GNB4: variants seen among roughly 807,000 people sequenced by gnomAD.
GNB4 encodes the protein G protein subunit beta 4.
A neutral mutation model predicts 45.2 loss-of-function variants in GNB4; 28 were observed. That is an observed-to-expected ratio of 0.62 (90% CI 0.46 to 0.85). GNB4 has a LOEUF of 0.85. Ranked by LOEUF, GNB4 falls within the 40% of genes least tolerant of loss-of-function variation. The probability of loss-of-function intolerance (pLI) is 0.00; values close to 1 mark genes in which losing one functional copy is unlikely to be tolerated. For synonymous variants in GNB4, 132 were observed against 143.7 expected, an observed-to-expected ratio of 0.92 and a Z score of 0.58; for missense variants, 321 against 425.4, an observed-to-expected ratio of 0.75 and a Z score of 2.16.
At chr3:179,417,380 T>G (rs1465433857) in intron 4 of GNB4, among the ~76,000 whole-genome samples, 1 of 151,636 alleles carries the variant, frequency 6.6e-6, no homozygotes, top group Non-Finnish European at 1.5e-5. Flanking sequence ...CTAAGTAATT[T>G]TAGCCACTAA....
At chr3:179,489,401 TGAG>T in the GNB4 span, among the ~76,000 whole-genome samples, 3 of 151,918 alleles carry the variant, frequency 2.0e-5, no homozygotes, top group Admixed American at 6.6e-5. Flanking sequence ...TTTGGGAGAC[TGAG>T]GAGGAGGATT....
the GNB4 span, among the ~76,000 whole-genome samples, chr3:179,465,802 C>T: frequency 2.0e-3 from 54 of 27,192 alleles, no homozygotes; most frequent in African/African-American, 5.0e-3. Context: ...TTTTTTTCTT[C>T]TTCTTCTTCT....
Position 179,451,373 on chromosome 3 carries a change from C to G in GNB4, c.-70G>C, listed in dbSNP as rs1715869393. On this transcript the variant is annotated 5_prime_UTR_variant, in exon 1 of 10. Coordinates refer to ENST00000232564, the MANE Select transcript of GNB4 (RefSeq NM_021629.4). ...GGAGGGAGCTCAGGCCCGCGTCGAC[C>G]GCGCGCTGCCGGTGTCCGCTGGGCG... 6.6e-6 allele frequency: 1 copy of G among 151,202 alleles called. No individual in the cohort carries two copies. Among genetic ancestry groups the G allele is most frequent in the Admixed American group, 6.6e-5 (1 of 15,180 alleles). 9.4% of individuals were successfully genotyped at this position (151,202 alleles called of 1,614,324 possible). A position where few individuals can be genotyped will look rare whatever the true frequency, so the allele number is the denominator to read the frequency against.
the GNB4 span, among the ~76,000 whole-genome samples, chr3:179,486,280 T>C: frequency 6.7e-3 from 1,022 of 151,460 alleles, 17 homozygotes; most frequent in South Asian, 0.055. Flanking sequence ...CCTCCAGTAA[T>C]TGTAAATATT....
At chr3:179,477,302 C>T in the GNB4 span, among the ~76,000 whole-genome samples, 4 of 152,032 alleles carry the variant, frequency 2.6e-5, no homozygotes, top group Admixed American at 1.3e-4. Flanking sequence ...CTTTTCTTTC[C>T]TCTTGCATCT....
At chr3:179,416,241 G>T (rs1398409375) in intron 5 of GNB4, among the ~76,000 whole-genome samples, 1 of 152,108 alleles carries the variant, frequency 6.6e-6, no homozygotes, top group Non-Finnish European at 1.5e-5. Flanking sequence ...ATTAGTATAT[G>T]TAAAATGGTA....
chr3:179,429,698 C>T lies in GNB4; in HGVS notation c.-42-3456G>A, dbSNP rs1347383314. 4.6e-5 allele frequency among the ~76,000 whole-genome samples: 7 copies of T among 152,114 alleles called. No homozygotes were observed. In the South Asian group the frequency reaches 1.4e-3, roughly 31 times the overall value. On this transcript the variant is annotated intron_variant, in intron 1 of 9. Coordinates refer to ENST00000232564, the MANE Select transcript of GNB4 (RefSeq NM_021629.4). The stretch of plus-strand genomic sequence containing the variant: ...GCAAAACCCTGGATGAAAGCAGCTA[C>T]CTACTTTCTTTCAGCCAGCACTCAA...
At chr3:179,512,120 G>T in the GNB4 span, among the ~76,000 whole-genome samples, 1 of 152,168 alleles carries the variant, frequency 6.6e-6, no homozygotes, top group African/African-American at 2.4e-5. Context: ...ACATTACAGT[G>T]TTCTGGAAGC....
Position 179,413,579 on chromosome 3 carries a change from T to C in GNB4, c.532A>G (p.Thr178Ala). ...LWDIETAQQT[T>A]TFTGHSGDVM... The stretch of plus-strand genomic sequence containing the variant: ...TCTCCAGAATGCCCAGTGAATGTGG[T>C]GGTCTGCTGGGCAGTTTCGATGTCC... Residue 178 changes from threonine to alanine, a missense_variant, in exon 8 of 10, where the codon ACC becomes GCC. Coordinates refer to ENST00000232564, the MANE Select transcript of GNB4 (RefSeq NM_021629.4). 1 of 1,614,180 alleles carries C rather than the reference T, an allele frequency of 6.2e-7. No individual in the cohort carries two copies. The highest frequency in any genetic ancestry group is 8.5e-7 in the Non-Finnish European group (1 of 1,180,040).
intron 1 of GNB4, among the ~76,000 whole-genome samples, chr3:179,439,708 G>A (rs1231334264): frequency 6.6e-6 from 1 of 150,978 alleles, no homozygotes; most frequent in East Asian, 1.9e-4. Flanking sequence ...ATACAGATTC[G>A]CTGATTCAGA....
At chr3:179,433,213 T>C (rs765958549) in intron 1 of GNB4, among the ~76,000 whole-genome samples, 2 of 151,830 alleles carry the variant, frequency 1.3e-5, no homozygotes, top group Non-Finnish European at 2.9e-5. Context: ...ACAGATCTGA[T>C]AAATGAACCC....
Position 179,451,348 on chromosome 3 carries a change from G to T in GNB4, c.-45C>A, listed in dbSNP as rs1317410522. On this transcript the variant is annotated splice_region_variant and 5_prime_UTR_variant, in exon 1 of 10. Coordinates refer to ENST00000232564, the MANE Select transcript of GNB4 (RefSeq NM_021629.4). ...CCGCTCGCGAGCTCGCCGCCTACCTGGAGGGAGCTCAGGCCCGCGTCGACC... is the reference window on the plus strand; with the variant it reads ...CCGCTCGCGAGCTCGCCGCCTACCTTGAGGGAGCTCAGGCCCGCGTCGACC... 1 of 151,298 alleles carries T rather than the reference G, an allele frequency of 6.6e-6. No homozygotes were observed. The highest frequency in any genetic ancestry group is 2.4e-5 in the African/African-American group (1 of 41,350). 9.4% of individuals were successfully genotyped at this position (151,298 alleles called of 1,614,324 possible).
At chr3:179,474,808 G>A in the GNB4 span, among the ~76,000 whole-genome samples, 1 of 133,916 alleles carries the variant, frequency 7.5e-6, no homozygotes. Flanking sequence ...CTGGAGTGCA[G>A]TGATGTGATC....
the GNB4 span, among the ~76,000 whole-genome samples, chr3:179,502,380 C>A: frequency 2.0e-5 from 3 of 151,666 alleles, no homozygotes; most frequent in East Asian, 5.8e-4. Context: ...ATTACAGGCA[C>A]CCGCCACCAT....
intron 2 of GNB4, among the ~76,000 whole-genome samples, chr3:179,425,838 ACTAT>A (rs1357342259): frequency 4.6e-5 from 7 of 152,342 alleles, no homozygotes; most frequent in Admixed American, 3.9e-4. Context: ...ATATTGTGAC[ACTAT>A]CTACATTATG....
At chr3:179,450,116 T>C (rs959340651) in intron 1 of GNB4, among the ~76,000 whole-genome samples, 5 of 152,128 alleles carry the variant, frequency 3.3e-5, no homozygotes, top group Admixed American at 2.0e-4. Flanking sequence ...ATTTTAAAAG[T>C]TTCTATTTCA....
In GNB4 at chr3:179,400,464, T is replaced by C. The variant is rs1163083602; in HGVS notation, c.*749A>G. On this transcript the variant is annotated 3_prime_UTR_variant, in exon 10 of 10. Transcript: ENST00000232564. ...GGGTACTCAAAGTGTCAACTGATCA[T>C]AACCAGGCTTTTAAAATGTCAAGAA... 6.6e-6 allele frequency: 1 copy of C among 152,266 alleles called. No homozygotes were observed. Among genetic ancestry groups the C allele is most frequent in the Non-Finnish European group, 1.5e-5 (1 of 68,048 alleles). The allele number at this position is 152,266 out of a possible 1,614,324, so 9.4% of individuals were successfully genotyped here.
chr3:179,477,308 C>T, the GNB4 span, among the ~76,000 whole-genome samples: 1 of 152,156 alleles, frequency 6.6e-6, no homozygotes, highest in Non-Finnish European at 1.5e-5. Flanking sequence ...TTTCCTCTTG[C>T]ATCTTACTGT....
chr3:179,467,250 A>T, the GNB4 span, among the ~76,000 whole-genome samples: 143,663 of 152,284 alleles, frequency 0.94, 67,894 homozygotes, highest in East Asian at 1. Context: ...TGAGCTCTAT[A>T]ATTCCCCCCA....
Sources: gnomAD v4.1 joint callset for allele counts (sites outside exome capture counted in the v4.1 genomes callset) on GRCh38, gnomAD v4.1.1 for gene constraint, MANE v1.5 for transcripts, NCBI Gene and HGNC (gene_info 2026-07-23, HGNC 2026-07-21) for gene names.